COBL: variants seen among roughly 807,000 people sequenced by gnomAD.
The protein encoded by COBL is cordon-bleu WH2 repeat protein, also known as protein cordon-bleu.
A neutral mutation model predicts 98.8 loss-of-function variants in COBL; 51 were observed. The observed-to-expected ratio is 0.52, with a 90% CI of 0.41 to 0.65. COBL has a LOEUF of 0.65. Ranked by LOEUF, COBL falls within the 30% of genes least tolerant of loss-of-function variation. The pLI is 0.00. For missense variants in COBL, 1,617 were observed against 1,617.5 expected, an observed-to-expected ratio of 1.00 and a Z score of 0.01; for synonymous variants, 634 against 651.7, an observed-to-expected ratio of 0.97 and a Z score of 0.41.
intron 5 of COBL, among the ~76,000 whole-genome samples, chr7:51,139,716 A>C (rs1799558293): frequency 6.6e-6 from 1 of 152,240 alleles, no homozygotes; most frequent in African/African-American, 2.4e-5. Context: ...CTACTTTTGG[A>C]ATTTGTGCGC....
chr7:51,232,586 C>G (rs909960828), intron 1 of COBL, among the ~76,000 whole-genome samples: 1 of 152,066 alleles, frequency 6.6e-6, no homozygotes, highest in African/African-American at 2.4e-5. Flanking sequence ...CCAAGGCGGG[C>G]GGATCATGAG....
At chr7:51,224,162 G>C (rs545339603) in intron 1 of COBL, among the ~76,000 whole-genome samples, 1 of 152,214 alleles carries the variant, frequency 6.6e-6, no homozygotes, top group Non-Finnish European at 1.5e-5. Flanking sequence ...ATGTAGGTAT[G>C]TGTTGGGTAC....
intron 1 of COBL, among the ~76,000 whole-genome samples, chr7:51,264,498 C>T (rs1450054454): frequency 6.6e-6 from 1 of 151,762 alleles, no homozygotes; most frequent in Non-Finnish European, 1.5e-5. Flanking sequence ...TGGCAAAACC[C>T]CGTCTCTACT....
intron 1 of COBL, among the ~76,000 whole-genome samples, chr7:51,289,672 T>C (rs1333118835): frequency 6.6e-6 from 1 of 152,220 alleles, no homozygotes. Flanking sequence ...AAATTATATG[T>C]GAACACTCCC....
chr7:51,165,338 T>C (rs772240537), intron 5 of COBL, among the ~76,000 whole-genome samples: 19 of 152,096 alleles, frequency 1.2e-4, no homozygotes, highest in Non-Finnish European at 2.8e-4. Context: ...ACAAAATAGA[T>C]TTCAAGACCA....
chr7:51,259,009 C>A (rs1797454253), intron 1 of COBL, among the ~76,000 whole-genome samples: 1 of 152,082 alleles, frequency 6.6e-6, no homozygotes, highest in African/African-American at 2.4e-5. Flanking sequence ...CAATCTCGGC[C>A]GAGCGCGGTG....
At chr7:51,249,397 G>A (rs1426040776) in intron 1 of COBL, among the ~76,000 whole-genome samples, 5 of 152,156 alleles carry the variant, frequency 3.3e-5, no homozygotes, top group East Asian at 1.9e-4. Context: ...AAAGGTGAGC[G>A]TGAAACCATT....
At chr7:51,302,251 A>G (rs758972078) in intron 1 of COBL, among the ~76,000 whole-genome samples, 43 of 152,236 alleles carry the variant, frequency 2.8e-4, no homozygotes, top group Non-Finnish European at 4.1e-4. Context: ...CTACTGCTAA[A>G]GTAAATTGAT....
chr7:51,090,536 C>T (rs893777200), intron 6 of COBL, among the ~76,000 whole-genome samples: 2 of 152,164 alleles, frequency 1.3e-5, no homozygotes, highest in Non-Finnish European at 2.9e-5. Context: ...GTTTATGTCT[C>T]GACTGACTGG....
At chr7:51,219,404 C>T (rs1040071608) in intron 2 of COBL, among the ~76,000 whole-genome samples, 16 of 152,174 alleles carry the variant, frequency 1.1e-4, no homozygotes, top group African/African-American at 3.4e-4. Flanking sequence ...ATACCTGAGG[C>T]ACACTGTGGC....
At chr7:51,137,959 G>A (rs1799394843) in intron 5 of COBL, among the ~76,000 whole-genome samples, 1 of 152,124 alleles carries the variant, frequency 6.6e-6, no homozygotes, top group Admixed American at 6.6e-5. Context: ...TATTATTTGT[G>A]CTCAGACACA....
At chr7:51,161,311 C>T (rs1786780555) in intron 5 of COBL, among the ~76,000 whole-genome samples, 1 of 152,238 alleles carries the variant, frequency 6.6e-6, no homozygotes, top group Non-Finnish European at 1.5e-5. Context: ...GAAATGCAGG[C>T]TCTCTGTAAG....
intron 6 of COBL, among the ~76,000 whole-genome samples, chr7:51,115,692 T>C (rs1797212560): frequency 6.6e-6 from 1 of 152,104 alleles, no homozygotes. Flanking sequence ...GTGTACTCTG[T>C]AGTGGTTGGA....
At position 51,310,309 on chromosome 7, in the gene COBL, C is replaced by T. The variant is rs139918192; in HGVS notation, c.41+6284G>A. 1.7e-3 allele frequency among the ~76,000 whole-genome samples: 259 copies of T among 152,272 alleles called. 2 individuals are homozygous for T. Among genetic ancestry groups the T allele is most frequent in the African/African-American group, 5.9e-3 (247 of 41,556 alleles). The stretch of plus-strand genomic sequence containing the variant: ...CCCATCAGGATGGGCCTGCAGGCTG[C>T]GTGGAGAAGGAGCAATTTCACCTTG... On this transcript the variant is annotated intron_variant, in intron 1 of 12. Transcript: ENST00000265136.
intron 1 of COBL, among the ~76,000 whole-genome samples, chr7:51,282,856 C>A (rs1442036300): frequency 6.6e-6 from 1 of 151,968 alleles, no homozygotes; most frequent in African/African-American, 2.4e-5. Flanking sequence ...AAAGTATGTT[C>A]TCTAACCATA....
intron 12 of COBL, chr7:51,020,868 A>C (rs1016591481): frequency 3.3e-5 from 5 of 152,238 alleles, no homozygotes; most frequent in Non-Finnish European, 5.9e-5. Flanking sequence ...GCCTTGAAAA[A>C]TGGCAACGTC....
intron 8 of COBL, among the ~76,000 whole-genome samples, chr7:51,038,769 C>T (rs1224659140): frequency 1.3e-5 from 2 of 152,164 alleles, no homozygotes; most frequent in Non-Finnish European, 2.9e-5. Flanking sequence ...CTATCAGGGA[C>T]AGCTTCACAA....
intron 1 of COBL, among the ~76,000 whole-genome samples, chr7:51,285,268 A>G (rs992784438): frequency 3.3e-5 from 5 of 152,146 alleles, no homozygotes; most frequent in African/African-American, 1.2e-4. Context: ...CTGGAAATCT[A>G]CACTGTACAA....
intron 2 of COBL, among the ~76,000 whole-genome samples, chr7:51,206,565 G>A (rs566387790): frequency 4.6e-5 from 7 of 151,808 alleles, no homozygotes; most frequent in South Asian, 4.2e-4. Context: ...CTATTGCAGC[G>A]CTATTCGCAG....
Sources: gnomAD v4.1 joint callset for allele counts (sites outside exome capture counted in the v4.1 genomes callset) on GRCh38, gnomAD v4.1.1 for gene constraint, MANE v1.5 for transcripts, NCBI Gene and HGNC (gene_info 2026-07-23, HGNC 2026-07-21) for gene names.